The following CADM2 variants were observed in gnomAD, a reference collection of about 807,000 sequenced individuals.
CADM2 encodes the protein cell adhesion molecule 2.
CADM2 carries 12 observed loss-of-function variants against 49.8 expected under a neutral mutation model. The ratio of observed to expected loss-of-function variants is 0.24; its 90% confidence interval spans 0.15 to 0.39. CADM2 has a LOEUF of 0.39. Among genes scored for constraint, CADM2 ranks in the 10% least tolerant of loss-of-function variants. The pLI, the probability that CADM2 is intolerant of heterozygous loss-of-function variation, is 1.00. For missense variants in CADM2, 378 were observed against 492.3 expected (o/e 0.77, Z 2.20); for synonymous variants, 214 against 175.4 (o/e 1.22, Z -1.74).
At chr3:85,851,037 A>T (rs907889089) in intron 3 of CADM2, among the ~76,000 whole-genome samples, 1 of 152,148 alleles carries the variant, frequency 6.6e-6, no homozygotes, top group African/African-American at 2.4e-5. Flanking sequence ...ATAAATTTAG[A>T]TACATGGCAC....
chr3:85,397,056 CACA>C (rs922673303), intron 1 of CADM2, among the ~76,000 whole-genome samples: 8 of 152,002 alleles, frequency 5.3e-5, no homozygotes, highest in South Asian at 2.1e-4. Flanking sequence ...ACTCCTACAA[CACA>C]ACAACAACAA....
intron 1 of CADM2, among the ~76,000 whole-genome samples, chr3:85,579,919 T>C (rs953287770): frequency 6.6e-6 from 1 of 152,182 alleles, no homozygotes; most frequent in African/African-American, 2.4e-5. Flanking sequence ...ATGTACATCC[T>C]GCAGAAAATG....
At chr3:85,285,799 T>A (rs995392921) in intron 1 of CADM2, among the ~76,000 whole-genome samples, 3 of 151,380 alleles carry the variant, frequency 2.0e-5, no homozygotes, top group African/African-American at 7.3e-5. Flanking sequence ...ATCTAATATA[T>A]TTCTAAAATA....
intron 8 of CADM2, among the ~76,000 whole-genome samples, chr3:86,034,231 C>T (rs965413993): frequency 3.3e-5 from 5 of 151,828 alleles, no homozygotes; most frequent in African/African-American, 1.2e-4. Context: ...TTCAATGAGG[C>T]TCTGATATGG....
chr3:85,680,939 G>A (rs1046330275), intron 1 of CADM2, among the ~76,000 whole-genome samples: 2 of 152,132 alleles, frequency 1.3e-5, no homozygotes, highest in African/African-American at 4.8e-5. Context: ...GGGGTTTGGA[G>A]TCATGAAAAA....
At chr3:85,990,947 C>A (rs1039103722) in intron 8 of CADM2, among the ~76,000 whole-genome samples, 4 of 152,156 alleles carry the variant, frequency 2.6e-5, no homozygotes, top group Admixed American at 1.3e-4. Context: ...GAACTAAAGG[C>A]ACTTGAGAAC....
chr3:85,628,038 A>G (rs1559952451), intron 1 of CADM2, among the ~76,000 whole-genome samples: 1 of 152,058 alleles, frequency 6.6e-6, no homozygotes, highest in Non-Finnish European at 1.5e-5. Context: ...TGGGCCGAAC[A>G]GTATGAATCG....
intron 5 of CADM2, among the ~76,000 whole-genome samples, chr3:85,907,738 C>T (rs892837465): frequency 6.6e-6 from 1 of 152,040 alleles, no homozygotes; most frequent in African/African-American, 2.4e-5. Flanking sequence ...TGGCGAAACT[C>T]CGTCTCTACA....
At chr3:86,017,174 A>G (rs560308987) in intron 8 of CADM2, among the ~76,000 whole-genome samples, 17,560 of 118,458 alleles carry the variant, frequency 0.15, 1,646 homozygotes, top group African/African-American at 0.3. Context: ...GTGTGTATAT[A>G]TATATATATA....
chr3:85,567,465 T>C (rs2062299969), intron 1 of CADM2, among the ~76,000 whole-genome samples: 1 of 152,196 alleles, frequency 6.6e-6, no homozygotes, highest in African/African-American at 2.4e-5. Context: ...AAAACTAATA[T>C]GAAGAGATTA....
At position 85,485,893 on chromosome 3, in the gene CADM2, G is replaced by A. The variant is rs186310299; in HGVS notation, c.62-240629G>A. ...ATGTGGTAATACAAAACCTTATAAT[G>A]TACTGTTTCAAAATTCGAAGACCCT... On this transcript the variant is annotated intron_variant, in intron 1 of 9. Transcript: ENST00000383699. Among the ~76,000 whole-genome samples the A allele has an allele frequency of 2.1e-3, 317 of 152,134 alleles. 7 individuals carry two copies. Among genetic ancestry groups the A allele is most frequent in the Non-Finnish European group, 4.6e-4 (31 of 67,936 alleles).
chr3:85,025,188 A>G (rs1330344548), intron 1 of CADM2, among the ~76,000 whole-genome samples: 1 of 152,136 alleles, frequency 6.6e-6, no homozygotes, highest in African/African-American at 2.4e-5. Context: ...GTCAAAATGA[A>G]ATAAGGTTCT....
chr3:85,907,210 AC>A (rs536707754), intron 5 of CADM2, among the ~76,000 whole-genome samples: 142 of 152,298 alleles, frequency 9.3e-4, no homozygotes, highest in African/African-American at 3.2e-3. Flanking sequence ...TCATTAAAGG[AC>A]CACTGACAAC....
intron 1 of CADM2, among the ~76,000 whole-genome samples, chr3:85,014,214 T>C (rs1293187474): frequency 6.7e-6 from 1 of 149,594 alleles, no homozygotes; most frequent in Non-Finnish European, 1.5e-5. Context: ...TGTAATAATG[T>C]ATATCATATA....
intron 1 of CADM2, among the ~76,000 whole-genome samples, chr3:85,720,683 T>C (rs1051379891): frequency 3.3e-5 from 5 of 152,112 alleles, no homozygotes; most frequent in Non-Finnish European, 7.4e-5. Context: ...ACTTAGACAA[T>C]GTTAGGTGAT....
intron 1 of CADM2, among the ~76,000 whole-genome samples, chr3:85,310,042 C>A (rs965609829): frequency 6.6e-6 from 1 of 152,136 alleles, no homozygotes; most frequent in African/African-American, 2.4e-5. Context: ...TGGTGTATCT[C>A]TTCTTTTGTT....
intron 1 of CADM2, among the ~76,000 whole-genome samples, chr3:85,613,978 A>G (rs928902987): frequency 1.3e-5 from 2 of 151,716 alleles, no homozygotes; most frequent in African/African-American, 4.8e-5. Context: ...TATTTAATGT[A>G]TTTTCTTACT....
intron 1 of CADM2, among the ~76,000 whole-genome samples, chr3:85,113,217 C>A (rs562118915): frequency 6.6e-6 from 1 of 152,196 alleles, no homozygotes; most frequent in Admixed American, 6.6e-5. Flanking sequence ...TCTCATTTTA[C>A]TGAATGCAGA....
intron 1 of CADM2, among the ~76,000 whole-genome samples, chr3:85,473,150 G>A (rs1201868665): frequency 6.6e-6 from 1 of 151,900 alleles, no homozygotes; most frequent in African/African-American, 2.4e-5. Context: ...ACTTTCCTTT[G>A]AAAATGAGTA....
Sources: allele counts gnomAD v4.1 joint callset (sites outside exome capture counted in the v4.1 genomes callset), GRCh38; gene constraint gnomAD v4.1.1; transcripts MANE v1.5; gene names NCBI Gene and HGNC (gene_info 2026-07-23, HGNC 2026-07-21).